Variants in KIAA2012 observed in about 807,000 individuals in gnomAD.
KIAA2012 encodes the protein uncharacterized protein KIAA2012.
A neutral mutation model predicts 150.6 loss-of-function variants in KIAA2012; 125 were observed. That is an observed-to-expected ratio of 0.83 (90% confidence interval 0.72 to 0.96). The LOEUF (loss-of-function observed/expected upper bound fraction) is 0.96, where lower values mean the gene tolerates loss of function less well. Among genes scored for constraint, KIAA2012 ranks in the 40% least tolerant of loss-of-function variants. The pLI, the probability that KIAA2012 is intolerant of heterozygous loss-of-function variation, is 0.00. For synonymous variants in KIAA2012, 462 were observed against 504.7 expected (o/e 0.92, Z 1.13); for missense variants, 1,219 against 1,354.9 (o/e 0.90, Z 1.57).
At chr2:202,188,439 C>T (rs1375749484) in intron 18 of KIAA2012, among the ~76,000 whole-genome samples, 173 bp downstream of exon 18, 1 of 152,068 alleles carries the variant, frequency 6.6e-6, no homozygotes, top group African/African-American at 2.4e-5. Flanking sequence ...TCTTAATAGA[C>T]AGAGATACAG....
intron 4 of KIAA2012, among the ~76,000 whole-genome samples, chr2:202,097,182 A>G (rs1689906472): frequency 6.6e-6 from 1 of 152,194 alleles, no homozygotes; most frequent in Non-Finnish European, 1.5e-5. Flanking sequence ...CATTTTACAG[A>G]TTGGGAAACT....
rs778701388 is a variant in KIAA2012 at position 202,193,235 on chromosome 2, G to C, written c.2812-66G>C. ...GATTAGAGACAACACTGTCTGGGGT[G>C]GAGAAGGGCTCACTGCTGAGACAGA... On this transcript the variant is annotated intron_variant, in intron 19 of 23. Transcript: ENST00000498697. The C allele has an allele frequency of 2.1e-6, 3 of 1,432,122 alleles. No homozygotes were observed. In the East Asian group the frequency reaches 7.4e-5, roughly 36 times the overall value. 88.7% of individuals were successfully genotyped at this position (1,432,122 alleles called of 1,614,324 possible). A position where few individuals can be genotyped will look rare whatever the true frequency, so the allele number is the denominator to read the frequency against.
chr2:202,174,805 T>A (rs779668535), intron 15 of KIAA2012, among the ~76,000 whole-genome samples: 14 of 152,334 alleles, frequency 9.2e-5, no homozygotes, highest in Admixed American at 5.2e-4. Flanking sequence ...ACTTTTTTTA[T>A]TATTATTATA....
chr2:202,199,762 A>AT (rs986327913), intron 22 of KIAA2012, among the ~76,000 whole-genome samples: 19 of 152,126 alleles, frequency 1.2e-4, no homozygotes, highest in Non-Finnish European at 2.4e-4. Flanking sequence ...ATATGACCCT[A>AT]TTAACCCACT....
intron 12 of KIAA2012, among the ~76,000 whole-genome samples, chr2:202,134,032 AC>A (rs1394928126): frequency 6.6e-6 from 1 of 151,902 alleles, no homozygotes; most frequent in Non-Finnish European, 1.5e-5. Context: ...TCCATTTATG[AC>A]CAAAAAAACA....
intron 8 of KIAA2012, among the ~76,000 whole-genome samples, chr2:202,105,280 GGGAAGGAA>G (rs779604299): frequency 6.6e-6 from 1 of 151,304 alleles, no homozygotes; most frequent in Non-Finnish European, 1.5e-5. Flanking sequence ...AGGGAAGGAA[GGGAAGGAA>G]GGAAGGAAGG....
Position 202,099,702 on chromosome 2 carries a change from G to T in KIAA2012, c.918G>T (p.Gly306=). ...KTQQTSRKAF[G]HGRIDHSWLP... ...AGCAAACCTCCAGGAAGGCCTTTGG[G>T]CATGGCCGCATCGATCACTCTTGGC... The change falls in exon 6 of 24, where the codon GGG becomes GGT. Residue 306 remains glycine (G), a synonymous_variant. Transcript: ENST00000498697. The T allele has an allele frequency of 6.4e-7, 1 of 1,550,568 alleles. No individual in the cohort carries two copies. Among genetic ancestry groups the T allele is most frequent in the Non-Finnish European group, 8.7e-7 (1 of 1,146,954 alleles).
chr2:202,144,041 T>A (rs1691251549), intron 13 of KIAA2012, among the ~76,000 whole-genome samples: 2 of 152,196 alleles, frequency 1.3e-5, no homozygotes, highest in Non-Finnish European at 1.5e-5. Flanking sequence ...TTAATTAGAT[T>A]TCCCAAAAAT....
At chr2:202,184,654 T>C (rs1020555952) in intron 15 of KIAA2012, 99 bp from the exon 16 acceptor site, 1 of 727,606 alleles carries the variant, frequency 1.4e-6, no homozygotes, top group Non-Finnish European at 2.2e-6. Flanking sequence ...CTAATTTGCA[T>C]GCCTTTGGCT....
chr2:202,141,385 G>A (rs1336569980), intron 13 of KIAA2012, among the ~76,000 whole-genome samples: 1 of 151,930 alleles, frequency 6.6e-6, no homozygotes, highest in African/African-American at 2.4e-5. Context: ...GAGGTGGTGG[G>A]GGCAGGGGTA....
chr2:202,078,028 G>A (rs777647895), intron 2 of KIAA2012, among the ~76,000 whole-genome samples: 10 of 152,212 alleles, frequency 6.6e-5, no homozygotes, highest in Non-Finnish European at 1.5e-4. Flanking sequence ...TTTGGCAAAA[G>A]CCTAAAAGGG....
In KIAA2012 at chr2:202,075,204, G is replaced by A. The variant is rs372935948; in HGVS notation, c.369+29G>A. 22 of 1,514,998 alleles carry A rather than the reference G, an allele frequency of 1.5e-5. No homozygotes were observed. The East Asian group carries it at 4.2e-4, about 29-fold the overall frequency. The allele number at this position is 1,514,998 out of a possible 1,614,324, so 93.8% of individuals were successfully genotyped here. A position where few individuals can be genotyped will look rare whatever the true frequency, so the allele number is the denominator to read the frequency against. On this transcript the variant is annotated intron_variant, in intron 2 of 23. Coordinates refer to ENST00000498697, the MANE Select transcript of KIAA2012 (RefSeq NM_001277372.4). ...GGCAGAACGCTCCCTTGGGTTTGGG[G>A]AAGGTGCTGGTAGCATGTCTAGAAA...
intron 15 of KIAA2012, among the ~76,000 whole-genome samples, chr2:202,182,668 C>G (rs1692144492): frequency 6.6e-6 from 1 of 152,126 alleles, no homozygotes; most frequent in Non-Finnish European, 1.5e-5. Flanking sequence ...TTTCATTTAT[C>G]TTGGGTAAAA....
Position 202,201,445 on chromosome 2 carries a change from G to C in KIAA2012, c.3408-984G>C, listed in dbSNP as rs1574320973. 104 of 1,593,834 alleles carry C rather than the reference G, an allele frequency of 6.5e-5. No individual in the cohort carries two copies. In the East Asian group the frequency reaches 2.3e-3, roughly 36 times the overall value. ...AAGTTCCCCTTCCACTGAGTTACGA[G>C]GACATTGGCTGCCTGCATGACTGCA... is the stretch of plus-strand genomic sequence containing the variant. On this transcript the variant is annotated intron_variant, in intron 22 of 23. Coordinates refer to ENST00000498697, the MANE Select transcript of KIAA2012 (RefSeq NM_001277372.4).
intron 11 of KIAA2012, among the ~76,000 whole-genome samples, chr2:202,119,775 G>A (rs886317128): frequency 3.9e-5 from 6 of 152,294 alleles, no homozygotes; most frequent in East Asian, 1.9e-4. Context: ...GGCTGAGGCA[G>A]GAGGATCATT....
At chr2:202,139,600 C>CT (rs1691156850) in intron 13 of KIAA2012, among the ~76,000 whole-genome samples, 1 of 152,210 alleles carries the variant, frequency 6.6e-6, no homozygotes, top group African/African-American at 2.4e-5. Flanking sequence ...CGTGCCTGAG[C>CT]TGGGCTCTGA....
chr2:202,160,832 T>C (rs1691638853), intron 14 of KIAA2012, among the ~76,000 whole-genome samples: 1 of 152,204 alleles, frequency 6.6e-6, no homozygotes, highest in South Asian at 2.1e-4. Flanking sequence ...TCTACAATTA[T>C]TTATTATTAC....
At chr2:202,138,343 G>GGTGTGTGTGT in intron 12 of KIAA2012, 89 bp from the exon 13 acceptor site, 1 of 762,452 alleles carries the variant, frequency 1.3e-6, no homozygotes, top group African/African-American at 1.8e-5. Context: ...ATATGAACTA[G>GGTGTGTGTGT]GTGTGTGTGT....
Position 202,093,017 on chromosome 2 carries a change from A to G in KIAA2012, c.530-13A>G, listed in dbSNP as rs942124405. ...CCACTATTTCTATCAATATCTCCTG[A>G]TCTACTCTTCAGGATACATCAAGGA... On this transcript the variant is annotated splice_polypyrimidine_tract_variant and intron_variant, in intron 3 of 23. Coordinates refer to ENST00000498697, the MANE Select transcript of KIAA2012 (RefSeq NM_001277372.4). 6.5e-7 allele frequency: 1 copy of G among 1,547,548 alleles called. No individual in the cohort carries two copies. The highest frequency in any genetic ancestry group is 1.4e-5 in the African/African-American group (1 of 72,918).
Sources: gnomAD v4.1 joint callset for allele counts (sites outside exome capture counted in the v4.1 genomes callset) on GRCh38, gnomAD v4.1.1 for gene constraint, MANE v1.5 for transcripts, NCBI Gene and HGNC (gene_info 2026-07-23, HGNC 2026-07-21) for gene names.